The following CNTN1 variants were observed in gnomAD, a reference collection of about 807,000 sequenced individuals.
The protein encoded by CNTN1 is contactin-1.
CNTN1 carries 38 observed loss-of-function variants against 126.4 expected under a neutral mutation model. The observed-to-expected ratio is 0.30, with a 90% CI of 0.23 to 0.39. The LOEUF (loss-of-function observed/expected upper bound fraction) is 0.39. CNTN1 is among the 10% of genes least tolerant of loss of function. The pLI is 1.00. For missense variants in CNTN1, 1,009 were observed against 1,248.4 expected (o/e 0.81, Z 2.89); for synonymous variants, 413 against 422.6 (o/e 0.98, Z 0.28).
At chr12:41,052,185 G>T (rs1317473235) in intron 23 of CNTN1, among the ~76,000 whole-genome samples, 1 of 152,134 alleles carries the variant, frequency 6.6e-6, no homozygotes, top group Non-Finnish European at 1.5e-5. Context: ...CAACTAGACT[G>T]TTCCATAAAC....
At chr12:40,951,714 TTAAAA>T (rs1946690515) in intron 14 of CNTN1, among the ~76,000 whole-genome samples, 1 of 79,644 alleles carries the variant, frequency 1.3e-5, no homozygotes, top group East Asian at 4.1e-4. Context: ...GTCTCAAAAT[TTAAAA>T]AAAAAAAAAA....
intron 17 of CNTN1, among the ~76,000 whole-genome samples, chr12:40,999,166 A>T (rs944396469): frequency 2.0e-5 from 3 of 152,304 alleles, no homozygotes; most frequent in African/African-American, 7.2e-5. Flanking sequence ...AAAAATTTTT[A>T]GATCTATGAC....
At chr12:41,000,169 T>C (rs1173612959) in intron 17 of CNTN1, among the ~76,000 whole-genome samples, 1 of 152,208 alleles carries the variant, frequency 6.6e-6, no homozygotes, top group Non-Finnish European at 1.5e-5. Flanking sequence ...TTTTTAGGTC[T>C]GTTCCAAATA....
intron 23 of CNTN1, among the ~76,000 whole-genome samples, chr12:41,044,948 C>T (rs1229518888): frequency 6.6e-6 from 1 of 151,852 alleles, no homozygotes; most frequent in Non-Finnish European, 1.5e-5. Context: ...AAAGTTTCAA[C>T]CAATTTATGA....
At chr12:41,014,902 G>C (rs1948744120) in intron 18 of CNTN1, among the ~76,000 whole-genome samples, 1 of 152,154 alleles carries the variant, frequency 6.6e-6, no homozygotes, top group Non-Finnish European at 1.5e-5. Flanking sequence ...GGTGGGAAAA[G>C]TTGTCTGACA....
In CNTN1 at chr12:40,868,472, C is replaced by T. The variant is rs539496768; in HGVS notation, c.-76-39885C>T. On this transcript the variant is annotated intron_variant, in intron 1 of 23. Transcript: ENST00000551295. ...GAACCCAGAATGCCAGAGGAACAGTCGCTATAATAATTTCTATAAAGTCTA... is the reference window on the plus strand; with the variant it reads ...GAACCCAGAATGCCAGAGGAACAGTTGCTATAATAATTTCTATAAAGTCTA... Among the ~76,000 whole-genome samples, 6 of 152,158 alleles carry T rather than the reference C, an allele frequency of 3.9e-5. No individual in the cohort carries two copies. The South Asian group carries it at 1.0e-3, about 26-fold the overall frequency.
chr12:40,975,181 TATATATATATATATATA>T (rs1566074047), intron 15 of CNTN1, among the ~76,000 whole-genome samples: 4,963 of 126,646 alleles, frequency 0.039, 175 homozygotes, highest in African/African-American at 0.077. Flanking sequence ...AAATGGATTA[TATATATATATATATATA>T]TATATATATA....
At chr12:41,050,868 A>G (rs1949659941) in intron 23 of CNTN1, among the ~76,000 whole-genome samples, 1 of 152,100 alleles carries the variant, frequency 6.6e-6, no homozygotes, top group South Asian at 2.1e-4. Context: ...TATTTTTCCA[A>G]GTGTTACCAC....
chr12:40,890,775 T>C (rs1227194059), intron 1 of CNTN1, among the ~76,000 whole-genome samples: 1 of 152,206 alleles, frequency 6.6e-6, no homozygotes, highest in African/African-American at 2.4e-5. Flanking sequence ...GTTTCAATTT[T>C]TGGCAATTAT....
At chr12:40,750,864 G>C (rs1380097763) in intron 1 of CNTN1, among the ~76,000 whole-genome samples, 1 of 152,098 alleles carries the variant, frequency 6.6e-6, no homozygotes, top group East Asian at 1.9e-4. Context: ...ATGAAGTCTA[G>C]AGATAGATTT....
chr12:40,819,022 G>A (rs951419977), intron 1 of CNTN1, among the ~76,000 whole-genome samples: 4 of 152,192 alleles, frequency 2.6e-5, no homozygotes, highest in Non-Finnish European at 5.9e-5. Context: ...TATGATTCAA[G>A]GAGGCTGAAG....
intron 1 of CNTN1, among the ~76,000 whole-genome samples, chr12:40,697,906 G>A (rs1565613119): frequency 6.6e-6 from 1 of 152,248 alleles, no homozygotes; most frequent in Non-Finnish European, 1.5e-5. Context: ...CTCAGCCAGA[G>A]CAGGGCACAT....
chr12:40,722,728 A>C (rs1168070162), intron 1 of CNTN1, among the ~76,000 whole-genome samples: 1 of 152,152 alleles, frequency 6.6e-6, no homozygotes, highest in African/African-American at 2.4e-5. Context: ...GTAATGTAAA[A>C]TATTTCAGAG....
chr12:41,034,195 G>T (rs756940571), intron 23 of CNTN1, among the ~76,000 whole-genome samples: 4 of 152,144 alleles, frequency 2.6e-5, no homozygotes, highest in Non-Finnish European at 5.9e-5. Context: ...TGTGTATTTT[G>T]TCTTCTAATA....
chr12:40,924,658 C>T lies in CNTN1; in HGVS notation c.496+6C>T, dbSNP rs1945572494. ...CCCCCCATACCATTTTCCAGGTAAA[C>T]TTAATTCCTCTCTGACTATTAGCAT... On this transcript the variant is annotated splice_donor_region_variant and intron_variant, in intron 6 of 23. Coordinates refer to ENST00000551295, the MANE Select transcript of CNTN1 (RefSeq NM_001843.4). 1 of 1,477,156 alleles carries T rather than the reference C, an allele frequency of 6.8e-7. No homozygotes were observed. The highest frequency in any genetic ancestry group is 1.1e-5 in the South Asian group (1 of 88,254). 91.5% of individuals were successfully genotyped at this position (1,477,156 alleles called of 1,614,324 possible). A position where few individuals can be genotyped will look rare whatever the true frequency, so the allele number is the denominator to read the frequency against.
intron 1 of CNTN1, among the ~76,000 whole-genome samples, chr12:40,867,812 G>A (rs1469655626): frequency 3.3e-5 from 5 of 151,746 alleles, no homozygotes; most frequent in South Asian, 4.2e-4. Context: ...TTTGTTAAAC[G>A]TTTACTAATA....
chr12:40,711,795 C>T (rs962551279), intron 1 of CNTN1, among the ~76,000 whole-genome samples: 1 of 152,086 alleles, frequency 6.6e-6, no homozygotes, highest in Admixed American at 6.6e-5. Flanking sequence ...TCACCATAAC[C>T]TCAAACTCCT....
rs746184282 is a variant in CNTN1, at chr12:40,933,730, A to G, written c.837A>G (p.Leu279=). 6.2e-7 allele frequency: 1 copy of G among 1,612,924 alleles called. No individual in the cohort carries two copies. Among genetic ancestry groups the G allele is most frequent in the Non-Finnish European group, 8.5e-7 (1 of 1,179,186 alleles). ...CGGATATCCGATGGCGGAAGGTTCTAGAACCAATGCCAAGCACTGCTGAGA... is the reference window on the plus strand; with the variant it reads ...CGGATATCCGATGGCGGAAGGTTCTGGAACCAATGCCAAGCACTGCTGAGA... The part of the protein sequence containing the change: ...PVPDIRWRKV[L]EPMPSTAEIS... The change falls in exon 9 of 24, where the codon CTA becomes CTG. Residue 279 remains leucine, a synonymous_variant. Coordinates refer to ENST00000551295, the MANE Select transcript of CNTN1 (RefSeq NM_001843.4).
At chr12:40,743,504 C>T (rs1592037738) in intron 1 of CNTN1, among the ~76,000 whole-genome samples, 3 of 151,986 alleles carry the variant, frequency 2.0e-5, no homozygotes, top group African/African-American at 7.2e-5. Flanking sequence ...ATACATATGA[C>T]TGGTGTAAAG....
Sources: gnomAD v4.1 joint callset for allele counts (sites outside exome capture counted in the v4.1 genomes callset) on GRCh38, gnomAD v4.1.1 for gene constraint, MANE v1.5 for transcripts, NCBI Gene and HGNC (gene_info 2026-07-23, HGNC 2026-07-21) for gene names.